The following IGLL5 variants were observed in gnomAD, a reference collection of about 807,000 sequenced individuals.
The protein encoded by IGLL5 is immunoglobulin lambda-like polypeptide 5.
A neutral mutation model predicts 20.9 loss-of-function variants in IGLL5; 30 were observed. The ratio of observed to expected loss-of-function variants is 1.44; its 90% CI spans 1.07 to 1.95. The LOEUF (loss-of-function observed/expected upper bound fraction) is 1.95. Ranked by LOEUF, IGLL5 falls within the 30% of genes most tolerant of loss-of-function variation. The pLI is 0.00. For synonymous variants in IGLL5, 203 were observed against 117.3 expected (o/e 1.73, Z -4.72); for missense variants, 475 against 270.7 (o/e 1.75, Z -5.30).
At chr22:22,894,693 A>G (rs1601628124) in intron 2 of IGLL5, among the ~76,000 whole-genome samples, 1 of 151,320 alleles carries the variant, frequency 6.6e-6, no homozygotes, top group African/African-American at 2.4e-5. Context: ...GGGGCTGCTG[A>G]GTCTCATAGT....
intron 2 of IGLL5, among the ~76,000 whole-genome samples, chr22:22,895,157 C>T (rs538266983): frequency 6.6e-6 from 1 of 151,236 alleles, no homozygotes. Flanking sequence ...GGCCAGGACA[C>T]CTGTGAAAGG....
intron 2 of IGLL5, 45 bp from the exon 3 acceptor site, chr22:22,895,330 C>T (rs371154390): frequency 1.8e-5 from 28 of 1,550,586 alleles, no homozygotes; most frequent in Non-Finnish European, 2.3e-5. Context: ...CACAACACCC[C>T]GGTATTCTGT....
intron 1 of IGLL5, among the ~76,000 whole-genome samples, chr22:22,888,659 C>CTCTCTGCCCATGTGCCTCT: frequency 6.6e-6 from 1 of 151,308 alleles, no homozygotes; most frequent in African/African-American, 2.4e-5. Context: ...CATGTGCCTC[C>CTCTCTGCCCATGTGCCTCT]TGCCCAGTGA....
At chr22:22,894,258 G>GGACTGGATGAA in intron 2 of IGLL5, among the ~76,000 whole-genome samples, 1 of 151,176 alleles carries the variant, frequency 6.6e-6, no homozygotes, top group African/African-American at 2.4e-5. Context: ...TCTAGGCTGA[G>GGACTGGATGAA]GACTGGATGC....
rs142662485 is a variant in IGLL5 at position 22,894,240 on chromosome 22, G to A, written c.325+422G>A. Among the ~76,000 whole-genome samples the A allele has an allele frequency of 4.0e-4, 60 of 150,788 alleles. 3 individuals are homozygous for A. Among genetic ancestry groups the A allele is most frequent in the Middle Eastern group, 7.8e-3 (2 of 256 alleles). On this transcript the variant is annotated intron_variant, in intron 2 of 2. Transcript: ENST00000526893. ...GTCTAGGGGAGCAGCCCCAAGAACA[G>A]CTGAGGGTCTAGGCTGAGGACTGGA...
intron 1 of IGLL5, among the ~76,000 whole-genome samples, chr22:22,888,579 T>A (rs2067617945): frequency 6.6e-6 from 1 of 151,260 alleles, no homozygotes; most frequent in East Asian, 2.0e-4. Context: ...GGACAGGACA[T>A]CCACAGGGGG....
At chr22:22,888,672 G>A (rs545845316) in intron 1 of IGLL5, among the ~76,000 whole-genome samples, 6 of 151,288 alleles carry the variant, frequency 4.0e-5, no homozygotes, top group Middle Eastern at 3.8e-3. Flanking sequence ...CCCAGTGAGG[G>A]CAGGGGCCAC....
chr22:22,888,721 CCAAGGCTGTCTGT>C, intron 1 of IGLL5, among the ~76,000 whole-genome samples: 1 of 151,382 alleles, frequency 6.6e-6, no homozygotes, highest in African/African-American at 2.4e-5. Context: ...TTGGTCTCCC[CCAAGGCTGTCTGT>C]TCACCAACTT....
chr22:22,887,896 G>A lies in IGLL5; in HGVS notation c.-158G>A, dbSNP rs2067552590. On this transcript the variant is annotated 5_prime_UTR_variant, in exon 1 of 3. It introduces an in-frame stop codon into an upstream open reading frame of the 5' UTR. Coordinates refer to ENST00000526893, the MANE Select transcript of IGLL5 (RefSeq NM_001178126.2). ...ACAGCCATGGACCCTGGAAGGGCCT[G>A]GGCTAGGGACAGGGACCAGAGCCAG... The A allele has an allele frequency of 2.9e-6, 2 of 694,210 alleles. No individual in the cohort carries two copies. Among genetic ancestry groups the A allele is most frequent in the African/African-American group, 1.8e-5 (1 of 56,576 alleles). The allele number at this position is 694,210 out of a possible 1,614,324, so 43.0% of individuals were successfully genotyped here. A position where few individuals can be genotyped will look rare whatever the true frequency, so the allele number is the denominator to read the frequency against.
chr22:22,894,994 A>G (rs2066714537), intron 2 of IGLL5, among the ~76,000 whole-genome samples: 1 of 151,448 alleles, frequency 6.6e-6, no homozygotes, highest in East Asian at 2.0e-4. Context: ...TCCTGGAAGA[A>G]TAAAGTGGGT....
intron 1 of IGLL5, among the ~76,000 whole-genome samples, chr22:22,889,994 A>G (rs529007235): frequency 6.6e-6 from 1 of 151,166 alleles, no homozygotes; most frequent in African/African-American, 2.4e-5. Context: ...GATTTCACCT[A>G]ATTTTAATGT....
chr22:22,888,684 C>T (rs1414143670), intron 1 of IGLL5, among the ~76,000 whole-genome samples: 2 of 151,340 alleles, frequency 1.3e-5, no homozygotes, highest in African/African-American at 2.4e-5. Context: ...AGGGGCCACT[C>T]CCTGGAGAAG....
At chr22:22,888,325 G>A (rs2067582370) in intron 1 of IGLL5, 66 bp downstream of exon 1, 2 of 1,471,364 alleles carry the variant, frequency 1.4e-6, no homozygotes, top group African/African-American at 2.8e-5. Context: ...GGTGACCAAG[G>A]GGAGACAAGC....
intron 2 of IGLL5, among the ~76,000 whole-genome samples, chr22:22,894,893 C>T: frequency 6.6e-6 from 1 of 151,408 alleles, no homozygotes; most frequent in Admixed American, 6.6e-5. Context: ...AGCTCCAGTT[C>T]AAAGCAGGCT....
At position 22,888,175 on chromosome 22, in the gene IGLL5, C is replaced by G; in HGVS notation, c.122C>G (p.Pro41Arg). Reference protein sequence around the residue: ...LAMVAHGLLRPMVAPQSGDPD... With the variant: ...LAMVAHGLLRRMVAPQSGDPD... ...ATGGTCGCCCATGGCCTGCTGCGCC[C>G]AATGGTTGCACCGCAAAGCGGGGAC... Residue 41 changes from proline to arginine, a missense_variant, in exon 1 of 3, where the codon CCA (proline) becomes CGA (arginine). Pro to Arg is a moderately radical substitution (Grantham distance 103). Coordinates refer to ENST00000526893, the MANE Select transcript of IGLL5 (RefSeq NM_001178126.2). The G allele has an allele frequency of 6.5e-7, 1 of 1,549,066 alleles. No individual in the cohort carries two copies. The highest frequency in any genetic ancestry group is 8.7e-7 in the Non-Finnish European group (1 of 1,146,616).
intron 1 of IGLL5, among the ~76,000 whole-genome samples, chr22:22,890,320 C>T: frequency 7.4e-6 from 1 of 135,942 alleles, no homozygotes; most frequent in East Asian, 2.3e-4. Context: ...AAAACACACA[C>T]ACACACACAC....
At chr22:22,890,127 A>T (rs2067777757) in intron 1 of IGLL5, among the ~76,000 whole-genome samples, 1 of 150,754 alleles carries the variant, frequency 6.6e-6, no homozygotes, top group South Asian at 2.1e-4. Flanking sequence ...GTATATTACA[A>T]AATGTAATGA....
chr22:22,892,599 A>G (rs2067883433), intron 1 of IGLL5, among the ~76,000 whole-genome samples: 1 of 150,918 alleles, frequency 6.6e-6, no homozygotes, highest in African/African-American at 2.4e-5. Flanking sequence ...TGGAGGAGCA[A>G]GTTATACAGA....
chr22:22,888,997 G>GACTGGGAAGGGGAGGCAAGA (rs2145989694), intron 1 of IGLL5, among the ~76,000 whole-genome samples: 1 of 151,436 alleles, frequency 6.6e-6, no homozygotes, highest in East Asian at 2.0e-4. Flanking sequence ...GCTCCTGGGT[G>GACTGGGAAGGGGAGGCAAGA]ACTGGGAAGG....
Sources: gnomAD v4.1 joint callset for allele counts (sites outside exome capture counted in the v4.1 genomes callset) on GRCh38, gnomAD v4.1.1 for gene constraint, MANE v1.5 for transcripts, NCBI Gene and HGNC (gene_info 2026-07-23, HGNC 2026-07-21) for gene names.